The following DMD variants were observed in gnomAD, a reference collection of about 807,000 sequenced individuals.
The protein encoded by DMD is dystrophin.
Under a neutral mutation model 330.1 loss-of-function variants are expected in DMD, and 63 were observed. The observed-to-expected ratio is 0.19, with a 90% CI of 0.16 to 0.24. The LOEUF is 0.24. Ranked by LOEUF, DMD falls within the 10% of genes least tolerant of loss-of-function variation. The pLI, the probability that DMD is intolerant of heterozygous loss-of-function variation, is 1.00. For missense variants in DMD, 3,344 were observed against 2,684.1 expected (o/e 1.25, Z -5.43); for synonymous variants, 1,223 against 959.8 (o/e 1.27, Z -5.07).
At chrX:32,430,794 G>C (rs919439032) in intron 29 of DMD, among the ~76,000 whole-genome samples, 16 of 111,321 alleles carry the variant, frequency 1.4e-4, no homozygotes, top group African/African-American at 4.9e-4. Flanking sequence ...AATATGATTG[G>C]GATCATGTAT....
chrX:32,631,508 G>T (rs2058727300), intron 11 of DMD, among the ~76,000 whole-genome samples: 1 of 111,995 alleles, frequency 8.9e-6, no homozygotes, highest in Non-Finnish European at 1.9e-5. Context: ...ATGCTATAAA[G>T]AAATATCTGA....
chrX:32,148,131 C>A (rs2147133430), intron 44 of DMD, among the ~76,000 whole-genome samples: 1 of 110,660 alleles, frequency 9.0e-6, no homozygotes, highest in Admixed American at 9.6e-5. Flanking sequence ...CCCGCCTCGG[C>A]CTCCCAAAGT....
intron 2 of DMD, among the ~76,000 whole-genome samples, chrX:32,901,100 TTTGA>T (rs1281343915): frequency 4.5e-4 from 50 of 111,442 alleles, no homozygotes; most frequent in Non-Finnish European, 7.9e-4. Flanking sequence ...AAACTATAGT[TTTGA>T]TTATTTATAA....
At chrX:32,866,797 G>A (rs1162426107) in intron 2 of DMD, among the ~76,000 whole-genome samples, 5 of 108,109 alleles carry the variant, frequency 4.6e-5, no homozygotes, top group Non-Finnish European at 7.7e-5. Context: ...GCAGTGGTGT[G>A]GTCTCAGCTC....
At chrX:32,066,001 A>T (rs947650243) in intron 44 of DMD, among the ~76,000 whole-genome samples, 3 of 111,638 alleles carry the variant, frequency 2.7e-5, no homozygotes, top group Non-Finnish European at 5.7e-5. Flanking sequence ...AACATGACAT[A>T]TCCATATCAA....
chrX:32,015,932 A>T (rs932031629), intron 44 of DMD, among the ~76,000 whole-genome samples: 1 of 111,512 alleles, frequency 9.0e-6, no homozygotes, highest in African/African-American at 3.3e-5. Context: ...ACTTGGCAAA[A>T]CTACTCATGG....
chrX:33,269,914 T>A (rs2053123553), intron 1 of DMD, among the ~76,000 whole-genome samples: 2 of 109,775 alleles, frequency 1.8e-5, no homozygotes, highest in Admixed American at 2.0e-4. Flanking sequence ...GTCTAATATA[T>A]ACGTAAAATA....
intron 9 of DMD, among the ~76,000 whole-genome samples, chrX:32,662,043 C>G (rs2060981980): frequency 9.0e-6 from 1 of 111,108 alleles, no homozygotes; most frequent in Non-Finnish European, 1.9e-5. Flanking sequence ...ACCTTTTTGT[C>G]ACATAGTGAG....
intron 55 of DMD, among the ~76,000 whole-genome samples, chrX:31,612,944 A>G (rs1322488324): frequency 8.9e-6 from 1 of 112,172 alleles, no homozygotes; most frequent in Non-Finnish European, 1.9e-5. Context: ...TGTATCTCCA[A>G]TTGTACACTT....
chrX:31,554,631 C>T (rs988444301), intron 55 of DMD, among the ~76,000 whole-genome samples: 6 of 111,803 alleles, frequency 5.4e-5, no homozygotes, highest in African/African-American at 2.0e-4. Context: ...CCCCCTCTGG[C>T]CTTTTCCCTG....
intron 2 of DMD, among the ~76,000 whole-genome samples, chrX:32,914,567 CA>C (rs1423165315): frequency 1.2e-4 from 13 of 112,364 alleles, no homozygotes; most frequent in African/African-American, 3.9e-4. Flanking sequence ...ACATCAAAAA[CA>C]GAGAGGCATT....
chrX:31,864,115 TGCAA>T (rs904483238), intron 48 of DMD, among the ~76,000 whole-genome samples: 5 of 111,280 alleles, frequency 4.5e-5, no homozygotes, highest in African/African-American at 1.6e-4. Flanking sequence ...CTTTAAAATG[TGCAA>T]GCAGATATTC....
At chrX:32,565,199 C>T (rs1213129410) in intron 16 of DMD, among the ~76,000 whole-genome samples, 1 of 111,485 alleles carries the variant, frequency 9.0e-6, no homozygotes, top group Non-Finnish European at 1.9e-5. Flanking sequence ...AATCAGCAGT[C>T]TATGGCAGAA....
At chrX:32,233,663 G>A (rs1162731218) in intron 43 of DMD, among the ~76,000 whole-genome samples, 1 of 104,125 alleles carries the variant, frequency 9.6e-6, no homozygotes, top group East Asian at 3.0e-4. Flanking sequence ...ACGGAGCTTC[G>A]CTCTTGTTGC....
intron 50 of DMD, among the ~76,000 whole-genome samples, chrX:31,775,995 A>G (rs1275889822): frequency 1.8e-5 from 2 of 112,518 alleles, no homozygotes; most frequent in East Asian, 5.6e-4. Flanking sequence ...TTGTTTCTCA[A>G]AGCTATCTGA....
intron 2 of DMD, among the ~76,000 whole-genome samples, chrX:32,988,050 G>A (rs868487651): frequency 3.6e-5 from 4 of 109,807 alleles, no homozygotes; most frequent in Non-Finnish European, 7.6e-5. Flanking sequence ...ACTTAATATC[G>A]GTTTTCTTTT....
chrX:33,196,670 C>T (rs1374795145), intron 1 of DMD, among the ~76,000 whole-genome samples: 1 of 111,748 alleles, frequency 8.9e-6, no homozygotes, highest in Non-Finnish European at 1.9e-5. Context: ...TTATTCTCAA[C>T]ACTTTGACCC....
chrX:33,057,016 G>A (rs983256258), intron 1 of DMD, among the ~76,000 whole-genome samples: 1 of 111,445 alleles, frequency 9.0e-6, no homozygotes, highest in Non-Finnish European at 1.9e-5. Context: ...GAGAGCAATG[G>A]CAACTAATGA....
chrX:31,454,394 G>A (rs1026430613), intron 59 of DMD, among the ~76,000 whole-genome samples: 1 of 111,661 alleles, frequency 9.0e-6, no homozygotes, highest in Non-Finnish European at 1.9e-5. Context: ...CACCCGCCTC[G>A]GCCTCCCAAA....
Sources: gnomAD v4.1 joint callset for allele counts (sites outside exome capture counted in the v4.1 genomes callset) on GRCh38, gnomAD v4.1.1 for gene constraint, MANE v1.5 for transcripts, NCBI Gene and HGNC (gene_info 2026-07-23, HGNC 2026-07-21) for gene names.